The following PTPRO variants were observed in gnomAD, a reference collection of about 807,000 sequenced individuals.
The protein encoded by PTPRO is protein tyrosine phosphatase receptor type O.
In PTPRO, 62 loss-of-function variants were observed where a neutral mutation model predicts 145.2. The ratio of observed to expected loss-of-function variants is 0.43; its 90% CI spans 0.35 to 0.53. The LOEUF (loss-of-function observed/expected upper bound fraction) is 0.53. Ranked by LOEUF, PTPRO falls within the 20% of genes least tolerant of loss-of-function variation. The pLI is 0.01. For synonymous variants in PTPRO, 565 were observed against 514.7 expected (o/e 1.10, Z -1.32); for missense variants, 1,345 against 1,482.7 (o/e 0.91, Z 1.53).
intron 1 of PTPRO, among the ~76,000 whole-genome samples, chr12:15,330,558 G>A (rs1866579384): frequency 6.6e-6 from 1 of 152,132 alleles, no homozygotes; most frequent in Non-Finnish European, 1.5e-5. Context: ...AGTGAGTTTG[G>A]CCAATAGAAG....
Position 15,557,509 on chromosome 12 carries a change from G to A in PTPRO, c.2613G>A (p.Lys871=), listed in dbSNP as rs749997476. 11 of 1,613,604 alleles carry A rather than the reference G, an allele frequency of 6.8e-6. No individual in the cohort carries two copies. In the South Asian group the frequency reaches 1.1e-4, roughly 16 times the overall value. The change falls in exon 16 of 27, where the codon AAG becomes AAA. Residue 871 remains lysine (K), a synonymous_variant. Coordinates refer to ENST00000281171, the MANE Select transcript of PTPRO (RefSeq NM_030667.3). ...TTGCATCCTTAGAGAGGGATGGAAA[G>A]CTTCCATACAACTGGTGAGTATTGT... The part of the protein sequence containing the change: ...VNFASLERDG[K]LPYNWRRSIF...
At chr12:15,499,745 A>G in intron 4 of PTPRO, 151 bp downstream of exon 4, 1 of 936,530 alleles carries the variant, frequency 1.1e-6, no homozygotes, top group African/African-American at 1.7e-5. Flanking sequence ...CTATCAATAT[A>G]AAAAGAACTG....
rs538622609 is a variant in PTPRO at position 15,413,737 on chromosome 12, C to T, written c.76-70237C>T. Among the ~76,000 whole-genome samples the T allele has an allele frequency of 2.6e-5, 4 of 152,186 alleles. No homozygotes were observed. In the South Asian group the frequency reaches 8.3e-4, roughly 32 times the overall value. ...GACTGAGGCAGGAGAATTACTTGAGCCTGAGAGGCGGAGGTTGCAGCGAGC... is the reference window on the plus strand; with the variant it reads ...GACTGAGGCAGGAGAATTACTTGAGTCTGAGAGGCGGAGGTTGCAGCGAGC... On this transcript the variant is annotated intron_variant, in intron 1 of 26. Transcript: ENST00000281171.
At chr12:15,500,863 A>G (rs531183942) in intron 4 of PTPRO, among the ~76,000 whole-genome samples, 1 of 152,332 alleles carries the variant, frequency 6.6e-6, no homozygotes, top group East Asian at 1.9e-4. Context: ...CGGAGGTTGC[A>G]GTGAGCCGAG....
Position 15,322,997 on chromosome 12 carries a change from CG to C in PTPRO, c.75+202del, listed in dbSNP as rs1866344762. ...CCTGGTGGTCTTGAGAGGTAGGGGG[CG>C]GGGGGAAGAATAAGGGAAGTTTGCT... is the stretch of plus-strand genomic sequence containing the variant. On this transcript the variant is annotated intron_variant, in intron 1 of 26. Coordinates refer to ENST00000281171, the MANE Select transcript of PTPRO (RefSeq NM_030667.3). This position sits in a 1 kb window ranked among gnomAD's most constrained non-coding sequence, Gnocchi z 6.3. Among the ~76,000 whole-genome samples the C allele has an allele frequency of 1.3e-5, 2 of 152,132 alleles. No homozygotes were observed. Among genetic ancestry groups the C allele is most frequent in the African/African-American group, 4.8e-5 (2 of 41,436 alleles).
rs117929879 is a variant in PTPRO at position 15,509,045 on chromosome 12, G to A, written c.1464+278G>A. 0.02 allele frequency among the ~76,000 whole-genome samples: 3,071 copies of A among 152,284 alleles called. 50 individuals carry two copies. Among genetic ancestry groups the A allele is most frequent in the Non-Finnish European group, 0.03 (2,007 of 68,020 alleles). Reference sequence around the variant, plus strand: ...CTATGATGTGCCAGGTTCTAAGATAGATGTTGGAAATTTTTAAACATCCTG... The same window carrying A: ...CTATGATGTGCCAGGTTCTAAGATAAATGTTGGAAATTTTTAAACATCCTG... On this transcript the variant is annotated intron_variant, in intron 7 of 26. Coordinates refer to ENST00000281171, the MANE Select transcript of PTPRO (RefSeq NM_030667.3).
At chr12:15,553,082 G>C (rs59225906) in intron 15 of PTPRO, among the ~76,000 whole-genome samples, 1,678 of 152,128 alleles carry the variant, frequency 0.011, 30 homozygotes, top group African/African-American at 0.038. Flanking sequence ...CTATAGGCGT[G>C]AGTCACCATG....
At chr12:15,452,857 T>C (rs1342086095) in intron 1 of PTPRO, among the ~76,000 whole-genome samples, 1 of 152,144 alleles carries the variant, frequency 6.6e-6, no homozygotes, top group African/African-American at 2.4e-5. Context: ...CCAGGAAACA[T>C]AATAGGTGCA....
rs747355383 is a variant in PTPRO at position 15,596,434 on chromosome 12, T to G, written c.*361T>G. 9.8e-5 allele frequency: 15 copies of G among 152,540 alleles called. No individual in the cohort carries two copies. The highest frequency in any genetic ancestry group is 4.1e-4 in the South Asian group (2 of 4,828). The allele number at this position is 152,540 out of a possible 1,614,324, so 9.4% of individuals were successfully genotyped here. On this transcript the variant is annotated 3_prime_UTR_variant, in exon 27 of 27. Coordinates refer to ENST00000281171, the MANE Select transcript of PTPRO (RefSeq NM_030667.3). ...TGTTTGTTTTTCAGTGCAATAATTT[T>G]TGTGTGTGTGTGATTCTTATCAGAA...
Position 15,430,807 on chromosome 12 carries a change from C to A in PTPRO, c.76-53167C>A, listed in dbSNP as rs534503671. Among the ~76,000 whole-genome samples, 211 of 152,028 alleles carry A rather than the reference C, an allele frequency of 1.4e-3. 2 individuals carry two copies. The highest frequency in any genetic ancestry group is 2.0e-3 in the Admixed American group (31 of 15,262). On this transcript the variant is annotated intron_variant, in intron 1 of 26. Transcript: ENST00000281171. ...ACCATTCCACAATATACACATATAT[C>A]AAAAAATTATGTTGTACGGTATAAA... is the stretch of plus-strand genomic sequence containing the variant.
chr12:15,424,558 C>T (rs1207921902), intron 1 of PTPRO, among the ~76,000 whole-genome samples: 1 of 151,940 alleles, frequency 6.6e-6, no homozygotes, highest in African/African-American at 2.4e-5. Flanking sequence ...GGGAGACATG[C>T]ACATAGAATG....
At chr12:15,529,635 G>A (rs2136535490) in intron 12 of PTPRO, among the ~76,000 whole-genome samples, 1 of 152,204 alleles carries the variant, frequency 6.6e-6, no homozygotes, top group African/African-American at 2.4e-5. Flanking sequence ...GCATGACAGA[G>A]CAAGACCCCC....
At chr12:15,370,165 A>G (rs573142795) in intron 1 of PTPRO, among the ~76,000 whole-genome samples, 25 of 152,348 alleles carry the variant, frequency 1.6e-4, no homozygotes, top group South Asian at 1.4e-3. Context: ...CAGTCTTTGT[A>G]TGAACTCTAG....
At chr12:15,484,329 ACCC>A (rs1941842232) in intron 2 of PTPRO, 82 bp downstream of exon 2, 1 of 1,530,448 alleles carries the variant, frequency 6.5e-7, no homozygotes, top group Admixed American at 1.7e-5. Context: ...GACAGACTCC[ACCC>A]AGAATGGCAA....
chr12:15,504,747 T>C (rs887373670), intron 6 of PTPRO, among the ~76,000 whole-genome samples: 1 of 152,106 alleles, frequency 6.6e-6, no homozygotes, highest in Admixed American at 6.6e-5. Context: ...CTCCGATCAG[T>C]AGAAAGAAAA....
chr12:15,574,648 G>A (rs933261763), intron 19 of PTPRO, among the ~76,000 whole-genome samples: 4 of 152,122 alleles, frequency 2.6e-5, no homozygotes, highest in Non-Finnish European at 5.9e-5. Context: ...TTATGGACAC[G>A]TAATCTAGTA....
At chr12:15,439,533 G>T in intron 1 of PTPRO, 1 of 243,960 alleles carries the variant, frequency 4.1e-6, no homozygotes, top group Non-Finnish European at 8.2e-6. Flanking sequence ...CCAAATAGCA[G>T]ATGACGCTGG....
intron 5 of PTPRO, among the ~76,000 whole-genome samples, chr12:15,503,633 T>G (rs543139129): frequency 6.6e-6 from 1 of 152,180 alleles, no homozygotes; most frequent in African/African-American, 2.4e-5. Flanking sequence ...ATAATTTTGT[T>G]GGGTAGGAGT....
At chr12:15,449,299 C>A (rs1005075360) in intron 1 of PTPRO, among the ~76,000 whole-genome samples, 1 of 152,230 alleles carries the variant, frequency 6.6e-6, no homozygotes, top group South Asian at 2.1e-4. Context: ...CAGGTGCATA[C>A]TCCTAAGCTT....
Sources: gnomAD v4.1 joint callset for allele counts (sites outside exome capture counted in the v4.1 genomes callset) on GRCh38, gnomAD v4.1.1 for gene constraint, Gnocchi (gnomAD v3.1) non-coding constraint, MANE v1.5 for transcripts, NCBI Gene and HGNC (gene_info 2026-07-23, HGNC 2026-07-21) for gene names.